AKAP9: variants seen among roughly 807,000 people sequenced by gnomAD.
The protein encoded by AKAP9 is A-kinase anchor protein 9.
Under a neutral mutation model 488.5 loss-of-function variants are expected in AKAP9, and 311 were observed. The ratio of observed to expected loss-of-function variants is 0.64; its 90% CI spans 0.58 to 0.70. The LOEUF (loss-of-function observed/expected upper bound fraction) is 0.70. Ranked by LOEUF, AKAP9 falls within the 30% of genes least tolerant of loss-of-function variation. The pLI is 0.00. For missense variants in AKAP9, 4,215 were observed against 4,374.5 expected (o/e 0.96, Z 1.03); for synonymous variants, 1,462 against 1,483.5 (o/e 0.99, Z 0.33).
intron 14 of AKAP9, among the ~76,000 whole-genome samples, chr7:92,024,343 C>T (rs1413123251): frequency 2.0e-5 from 3 of 151,232 alleles, no homozygotes; most frequent in African/African-American, 7.3e-5. Flanking sequence ...ACATAGGAAG[C>T]GGAGGTTGCA....
At chr7:91,950,974 T>A (rs1792168054) in intron 1 of AKAP9, among the ~76,000 whole-genome samples, 1 of 152,158 alleles carries the variant, frequency 6.6e-6, no homozygotes, top group Non-Finnish European at 1.5e-5. Flanking sequence ...TATAAATTCA[T>A]TTCACAATGA....
In AKAP9 at chr7:92,079,212, A is replaced by C; in HGVS notation, c.7079A>C (p.Gln2360Pro). 6.2e-7 allele frequency: 1 copy of C among 1,614,104 alleles called. No homozygotes were observed. Among genetic ancestry groups the C allele is most frequent in the Non-Finnish European group, 8.5e-7 (1 of 1,180,002 alleles). ...EQLNEVIEKL[Q>P]QELANIGQKT... ...CTCAATGAAGTGATTGAAAAACTTC[A>C]ACAGGAATTGGCAAATATTGGACAG... is the stretch of plus-strand genomic sequence containing the variant. The change falls in exon 31 of 50, where the codon CAA becomes CCA. Residue 2360 changes from glutamine to proline, a missense_variant. Coordinates refer to ENST00000356239, the MANE Select transcript of AKAP9 (RefSeq NM_005751.5).
chr7:91,984,285 C>G (rs918292100), intron 3 of AKAP9, among the ~76,000 whole-genome samples: 2 of 152,148 alleles, frequency 1.3e-5, no homozygotes, highest in African/African-American at 2.4e-5. Flanking sequence ...AGTCTTCAAT[C>G]CATCTTGAAT....
chr7:92,005,450 A>T (rs920144595), intron 8 of AKAP9, among the ~76,000 whole-genome samples: 1 of 152,090 alleles, frequency 6.6e-6, no homozygotes, highest in Non-Finnish European at 1.5e-5. Flanking sequence ...AGAGTGGAAG[A>T]AGAGTTTGAA....
chr7:91,993,140 G>A, intron 5 of AKAP9, 85 bp downstream of exon 5: 1 of 1,463,946 alleles, frequency 6.8e-7, no homozygotes, highest in Non-Finnish European at 9.3e-7. Context: ...TTAAAGATGG[G>A]GTTTTTAAAA....
At chr7:92,032,305 T>C (rs1389619653) in intron 16 of AKAP9, among the ~76,000 whole-genome samples, 2 of 152,146 alleles carry the variant, frequency 1.3e-5, no homozygotes, top group East Asian at 3.8e-4. Flanking sequence ...GAGACCAGCT[T>C]GACCAACGTG....
chr7:92,019,307 A>G (rs894221617), intron 12 of AKAP9, among the ~76,000 whole-genome samples: 3 of 151,518 alleles, frequency 2.0e-5, no homozygotes, highest in Non-Finnish European at 4.4e-5. Flanking sequence ...ACACCCGGCT[A>G]ATTTTTGTAT....
intron 22 of AKAP9, among the ~76,000 whole-genome samples, chr7:92,060,884 T>C (rs1015500837): frequency 1.3e-5 from 2 of 152,184 alleles, no homozygotes; most frequent in African/African-American, 2.4e-5. Context: ...AGAAAGTTTA[T>C]CATAGACTGT....
At chr7:92,005,013 A>G (rs1799636495) in intron 8 of AKAP9, among the ~76,000 whole-genome samples, 1 of 152,092 alleles carries the variant, frequency 6.6e-6, no homozygotes, top group Non-Finnish European at 1.5e-5. Context: ...ATTTATTGAG[A>G]GTTTTTAGCA....
rs780066119 is a variant in AKAP9, at chr7:92,002,282, G to A, written c.2365G>A (p.Asp789Asn). 4.3e-6 allele frequency: 7 copies of A among 1,611,168 alleles called. No individual in the cohort carries two copies. The South Asian group carries it at 4.4e-5, about 10-fold the overall frequency. The change falls in exon 8 of 50, where the codon GAC becomes AAC. Residue 789 changes from aspartate to asparagine, a missense_variant. Coordinates refer to ENST00000356239, the MANE Select transcript of AKAP9 (RefSeq NM_005751.5). ...TAAAGATGAAAAGAAAACCCTTGAA[G>A]ACATGTTGAAAATACATACTCCTGT... ...ILKDEKKTLEDMLKIHTPVSQ... is the reference protein window; with the variant it reads ...ILKDEKKTLENMLKIHTPVSQ...
chr7:92,058,078 AT>A (rs1809105498), intron 22 of AKAP9: 2 of 493,488 alleles, frequency 4.1e-6, no homozygotes, highest in African/African-American at 3.9e-5. Context: ...TTATACTGCT[AT>A]GGTAGATCTT....
chr7:92,078,341 G>T (rs1812968589), intron 30 of AKAP9, among the ~76,000 whole-genome samples: 1 of 151,964 alleles, frequency 6.6e-6, no homozygotes, highest in Non-Finnish European at 1.5e-5. Context: ...CACATTGGTG[G>T]CCAGGCACAG....
intron 14 of AKAP9, among the ~76,000 whole-genome samples, chr7:92,028,985 T>C (rs1803776130): frequency 6.6e-6 from 1 of 152,060 alleles, no homozygotes; most frequent in African/African-American, 2.4e-5. Context: ...TTGGACAGAA[T>C]TTAGGGTAGA....
intron 8 of AKAP9, among the ~76,000 whole-genome samples, chr7:92,010,800 C>G (rs1200400477): frequency 6.6e-6 from 1 of 152,128 alleles, no homozygotes; most frequent in African/African-American, 2.4e-5. Context: ...ACTACAGGCA[C>G]ATATTACCAC....
At chr7:92,019,474 A>C (rs979667008) in intron 12 of AKAP9, among the ~76,000 whole-genome samples, 1 of 151,606 alleles carries the variant, frequency 6.6e-6, no homozygotes, top group African/African-American at 2.4e-5. Flanking sequence ...TATTCCTTAG[A>C]TCTGAGGACA....
At chr7:92,107,453 G>C in intron 48 of AKAP9, 31 bp downstream of exon 48, 1 of 1,604,112 alleles carries the variant, frequency 6.2e-7, no homozygotes, top group Non-Finnish European at 8.5e-7. Flanking sequence ...GCCTGGAATT[G>C]TTAAATGTAT....
chr7:92,022,233 A>C lies in AKAP9; in HGVS notation c.3838-5A>C. ...TTACTGCTTTTATTCTGTGGTTTTC[A>C]ATAGATCTGGGGACAGCAGACAGAT... On this transcript the variant is annotated splice_region_variant and splice_polypyrimidine_tract_variant and intron_variant, in intron 12 of 49. Transcript: ENST00000356239. 6.3e-7 allele frequency: 1 copy of C among 1,594,322 alleles called. No individual in the cohort carries two copies. Among genetic ancestry groups the C allele is most frequent in the Non-Finnish European group, 8.6e-7 (1 of 1,162,084 alleles).
At chr7:91,961,281 A>AAATCCCGAGTAGCTGT (rs1562899200) in intron 1 of AKAP9, among the ~76,000 whole-genome samples, 1 of 151,734 alleles carries the variant, frequency 6.6e-6, no homozygotes, top group Admixed American at 6.6e-5. Context: ...TGCCTCAGTA[A>AAATCCCGAGTAGCTGT]AATCCCGAGT....
chr7:92,042,858 A>G (rs1409936788), intron 20 of AKAP9, 87 bp downstream of exon 20: 1 of 883,006 alleles, frequency 1.1e-6, no homozygotes, highest in Non-Finnish European at 1.9e-6. Flanking sequence ...TTTATCTTGT[A>G]CATTGATACT....
Sources: allele counts gnomAD v4.1 joint callset (sites outside exome capture counted in the v4.1 genomes callset), GRCh38; gene constraint gnomAD v4.1.1; transcripts MANE v1.5; gene names NCBI Gene and HGNC (gene_info 2026-07-23, HGNC 2026-07-21).